The following C1QTNF9 variants were observed in gnomAD, a reference collection of about 807,000 sequenced individuals.
The protein encoded by C1QTNF9 is complement C1q and tumor necrosis factor-related protein 9A.
A neutral mutation model predicts 10.1 loss-of-function variants in C1QTNF9; 6 were observed. The ratio of observed to expected loss-of-function variants is 0.59; its 90% CI spans 0.32 to 1.17. C1QTNF9 has a LOEUF of 1.17. Among genes scored for constraint, C1QTNF9 ranks in the 50% most tolerant of loss-of-function variants. The pLI is 0.04. For synonymous variants in C1QTNF9, 98 were observed against 163.5 expected, an observed-to-expected ratio of 0.60 and a Z score of 3.06; for missense variants, 201 against 418.8, an observed-to-expected ratio of 0.48 and a Z score of 4.54.
intron 3 of C1QTNF9, among the ~76,000 whole-genome samples, chr13:24,320,021 G>A (rs1465706857): frequency 2.0e-5 from 3 of 152,184 alleles, no homozygotes; most frequent in African/African-American, 4.8e-5. Context: ...GGGGGTGCAA[G>A]GAAGCAGCAA....
intron 1 of C1QTNF9, among the ~76,000 whole-genome samples, chr13:24,312,920 A>C (rs1313219560): frequency 2.7e-5 from 4 of 147,488 alleles, no homozygotes; most frequent in East Asian, 4.0e-4. Flanking sequence ...GCGCCACTGC[A>C]CTCCAGCCTG....
At chr13:24,312,017 G>A (rs1211613058) in intron 1 of C1QTNF9, among the ~76,000 whole-genome samples, 1 of 152,184 alleles carries the variant, frequency 6.6e-6, no homozygotes, top group Non-Finnish European at 1.5e-5. Context: ...GCTAGGGAGT[G>A]CAGTCTATCA....
At chr13:24,319,287 C>A (rs1878157574) in intron 3 of C1QTNF9, among the ~76,000 whole-genome samples, 1 of 152,168 alleles carries the variant, frequency 6.6e-6, no homozygotes, top group Admixed American at 6.5e-5. Context: ...ACCTGTAATC[C>A]CAACACTTTG....
At position 24,315,981 on chromosome 13, in the gene C1QTNF9, G is replaced by T; in HGVS notation, c.-22-1G>T. Reference sequence around the variant, plus strand: ...TTTGGGTTTCTGTTTCCCTCTTTCAGTTCAGAGTCTGTCATCTGAACCATG... The same window carrying T: ...TTTGGGTTTCTGTTTCCCTCTTTCATTTCAGAGTCTGTCATCTGAACCATG... On this transcript the variant is annotated splice_acceptor_variant, in intron 1 of 3. Coordinates refer to ENST00000332018, the Ensembl canonical transcript of C1QTNF9. LOFTEE classifies it low-confidence loss of function (5UTR_SPLICE). 1.2e-6 allele frequency: 2 copies of T among 1,613,686 alleles called. No homozygotes were observed. The highest frequency in any genetic ancestry group is 1.1e-5 in the South Asian group (1 of 91,044).
upstream of C1QTNF9, among the ~76,000 whole-genome samples, chr13:24,309,281 TATTATATATATATA>T (rs1555279687): frequency 1.3e-5 from 1 of 77,486 alleles, no homozygotes; most frequent in South Asian, 3.8e-4. Flanking sequence ...GAACTTAAAG[TATTATATATATATA>T]TATATATATA....
chr13:24,307,593 C>G (rs551305881), upstream of C1QTNF9, among the ~76,000 whole-genome samples: 117 of 152,372 alleles, frequency 7.7e-4, 1 homozygote, highest in Non-Finnish European at 1.3e-3. Context: ...TTTGTTTACT[C>G]TTAATATCCA....
upstream of C1QTNF9, among the ~76,000 whole-genome samples, chr13:24,307,561 G>A (rs1453406897): frequency 6.6e-6 from 1 of 152,256 alleles, no homozygotes; most frequent in African/African-American, 2.4e-5. Flanking sequence ...TATGAAGGCT[G>A]CCAAGTGGCT....
chr13:24,319,298 G>A (rs576003589), intron 3 of C1QTNF9, among the ~76,000 whole-genome samples: 3 of 152,256 alleles, frequency 2.0e-5, no homozygotes, highest in African/African-American at 7.2e-5. Flanking sequence ...CAACACTTTG[G>A]GAGGCCCAGG....
In C1QTNF9 at chr13:24,318,890, T is replaced by A; in HGVS notation, c.229+10T>A. On this transcript the variant is annotated intron_variant, in intron 3 of 3. Transcript: ENST00000332018. ...GAGAAGGGAGAACGAGGTTAGTAGT[T>A]CCTATTTATGGTGCTCTAATTCTGA... The A allele has an allele frequency of 6.2e-7, 1 of 1,614,146 alleles. No individual in the cohort carries two copies. Among genetic ancestry groups the A allele is most frequent in the Non-Finnish European group, 8.5e-7 (1 of 1,179,968 alleles).
At chr13:24,320,838 A>C (rs1041694103) in intron 3 of C1QTNF9, among the ~76,000 whole-genome samples, 158 bp from the exon 4 acceptor site, 10 of 151,384 alleles carry the variant, frequency 6.6e-5, no homozygotes, top group African/African-American at 2.4e-4. Context: ...GGTGTGAGCC[A>C]CTGCACCCAG....
chr13:24,321,658 G>C (rs565219121), exon 4 of C1QTNF9: 1 of 1,614,182 alleles, frequency 6.2e-7, no homozygotes, highest in Admixed American at 1.7e-5. Flanking sequence ...GCTGAAGCTC[G>C]GGGATGAGGT....
chr13:24,314,619 G>A (rs559339544), intron 1 of C1QTNF9, among the ~76,000 whole-genome samples: 2 of 152,210 alleles, frequency 1.3e-5, no homozygotes, highest in South Asian at 2.1e-4. Context: ...GCAGCAGTGA[G>A]CAGAGATCGG....
At chr13:24,317,669 G>C (rs1878093766) in intron 2 of C1QTNF9, among the ~76,000 whole-genome samples, 1 of 151,940 alleles carries the variant, frequency 6.6e-6, no homozygotes, top group Non-Finnish European at 1.5e-5. Context: ...TACTACCTGT[G>C]CATAATGTAG....
exon 4 of C1QTNF9, chr13:24,321,593 C>T: frequency 6.2e-7 from 1 of 1,614,140 alleles, no homozygotes; most frequent in Non-Finnish European, 8.5e-7. Flanking sequence ...ATACTGCACA[C>T]CAAAGATGCT....
intron 1 of C1QTNF9, among the ~76,000 whole-genome samples, chr13:24,310,800 T>C (rs1566213168): frequency 6.7e-6 from 1 of 149,502 alleles, no homozygotes; most frequent in Non-Finnish European, 1.5e-5. Flanking sequence ...TAGTCCCAGC[T>C]ACGCGGGAGG....
chr13:24,315,936 C>G (rs2138806432), intron 1 of C1QTNF9, 46 bp from the exon 2 acceptor site: 1 of 1,597,872 alleles, frequency 6.3e-7, no homozygotes. Context: ...GTCCAGGGCC[C>G]CAGCAACAAA....
upstream of C1QTNF9, among the ~76,000 whole-genome samples, chr13:24,309,360 T>A (rs923382046): frequency 8.8e-5 from 13 of 148,496 alleles, no homozygotes; most frequent in African/African-American, 3.2e-4. Context: ...TTGAAAGTAT[T>A]CCCTCATTTC....
chr13:24,308,047 G>T (rs1417438526), upstream of C1QTNF9, among the ~76,000 whole-genome samples: 1 of 152,232 alleles, frequency 6.6e-6, no homozygotes, highest in African/African-American at 2.4e-5. Flanking sequence ...AAGCGGGGCC[G>T]CAGGGCAGGT....
intron 1 of C1QTNF9, among the ~76,000 whole-genome samples, chr13:24,313,980 C>A (rs1025425170): frequency 7.2e-5 from 11 of 152,238 alleles, no homozygotes; most frequent in Non-Finnish European, 1.3e-4. Flanking sequence ...ACATAGTAAA[C>A]CTTTCCCCTA....
Sources: gnomAD v4.1 joint callset for allele counts (sites outside exome capture counted in the v4.1 genomes callset) on GRCh38, gnomAD v4.1.1 for gene constraint, MANE v1.5 for transcripts, NCBI Gene and HGNC (gene_info 2026-07-23, HGNC 2026-07-21) for gene names.